NGEF: variants seen among roughly 807,000 people sequenced by gnomAD.
NGEF encodes the protein ephexin-1.
NGEF carries 31 observed loss-of-function variants against 80.9 expected under a neutral mutation model. That is an observed-to-expected ratio of 0.38 (90% CI 0.29 to 0.52). The LOEUF (loss-of-function observed/expected upper bound fraction) is 0.52. Ranked by LOEUF, NGEF falls within the 20% of genes least tolerant of loss-of-function variation. The pLI is 0.84. For synonymous variants in NGEF, 371 were observed against 370.2 expected (o/e 1.00, Z -0.03); for missense variants, 709 against 926.2 (o/e 0.77, Z 3.04).
At chr2:232,901,825 C>T (rs527529779) in intron 5 of NGEF, among the ~76,000 whole-genome samples, 4 of 152,184 alleles carry the variant, frequency 2.6e-5, no homozygotes, top group Non-Finnish European at 5.9e-5. Flanking sequence ...GGCGTCCTTC[C>T]GGGACTCCCT....
intron 1 of NGEF, among the ~76,000 whole-genome samples, chr2:232,980,178 G>A (rs888453811): frequency 3.3e-5 from 5 of 152,180 alleles, no homozygotes; most frequent in Non-Finnish European, 7.3e-5. Context: ...TGCAGCTTCA[G>A]GCCCAGGAGC....
chr2:232,945,466 G>A (rs1693537568), intron 3 of NGEF, among the ~76,000 whole-genome samples: 1 of 123,320 alleles, frequency 8.1e-6, no homozygotes, highest in Admixed American at 8.0e-5. Flanking sequence ...GGGAAATTTG[G>A]ATACACAGAC....
At chr2:232,934,774 A>G (rs769025978) in intron 3 of NGEF, among the ~76,000 whole-genome samples, 2 of 152,156 alleles carry the variant, frequency 1.3e-5, no homozygotes, top group African/African-American at 2.4e-5. Context: ...AGGCCAAGGT[A>G]GGTGGTTTGC....
intron 14 of NGEF, among the ~76,000 whole-genome samples, chr2:232,880,880 G>A (rs906148149): frequency 1.3e-5 from 2 of 152,206 alleles, no homozygotes; most frequent in Non-Finnish European, 2.9e-5. Context: ...CACCCGCTTG[G>A]GCTGGGCCCA....
At chr2:232,890,702 G>C (rs892354864) in intron 8 of NGEF, among the ~76,000 whole-genome samples, 2 of 151,968 alleles carry the variant, frequency 1.3e-5, no homozygotes, top group South Asian at 4.1e-4. Context: ...CATCCCTGCC[G>C]GGCCCCCACT....
At position 232,883,308 on chromosome 2, in the gene NGEF, C is replaced by T. The variant is rs749944423; in HGVS notation, c.1757+3G>A. The T allele has an allele frequency of 2.3e-5, 37 of 1,592,036 alleles. No homozygotes were observed. Among genetic ancestry groups the T allele is most frequent in the Non-Finnish European group, 3.0e-5 (35 of 1,166,244 alleles). ...ACTGGGCGTGTGGCGGCGAGGCACT[C>T]ACTGAGAGGACGCCTTTAGCATGTA... On this transcript the variant is annotated splice_donor_region_variant and intron_variant, in intron 12 of 14. Transcript: ENST00000264051.
chr2:232,958,985 A>G (rs1400350), intron 3 of NGEF, among the ~76,000 whole-genome samples: 90,528 of 151,862 alleles, frequency 0.6, 27,661 homozygotes, highest in African/African-American at 0.72. Flanking sequence ...GGTTAAATAT[A>G]GGTTAAAAAT....
chr2:232,973,307 T>G (rs541535594), intron 2 of NGEF, among the ~76,000 whole-genome samples: 3 of 152,334 alleles, frequency 2.0e-5, no homozygotes, highest in Admixed American at 2.0e-4. Context: ...AAAGTTGAGC[T>G]TCCACGACGA....
intron 3 of NGEF, among the ~76,000 whole-genome samples, chr2:232,943,324 C>T (rs1693477350): frequency 6.6e-6 from 1 of 151,980 alleles, no homozygotes; most frequent in East Asian, 1.9e-4. Context: ...AAAAGAGAGC[C>T]GTCTCCACAG....
intron 1 of NGEF, among the ~76,000 whole-genome samples, chr2:232,982,335 G>T (rs904360768): frequency 6.6e-6 from 1 of 152,152 alleles, no homozygotes; most frequent in Non-Finnish European, 1.5e-5. Flanking sequence ...CCTGTGACAA[G>T]AAGGGCTTGA....
rs1392954491 is a variant in NGEF, at chr2:232,897,007, G to A, written c.829-2091C>T. Reference sequence around the variant, plus strand: ...AGGGTGAGGTAGGGGTGCGGGTGAGGGTAGGGGCGAGTGTGGGGGTAGGAG... The same window carrying A: ...AGGGTGAGGTAGGGGTGCGGGTGAGAGTAGGGGCGAGTGTGGGGGTAGGAG... On this transcript the variant is annotated intron_variant, in intron 5 of 14. Transcript: ENST00000264051. Among the ~76,000 whole-genome samples, 159 of 131,062 alleles carry A rather than the reference G, an allele frequency of 1.2e-3. 1 individual carries two copies. Among genetic ancestry groups the A allele is most frequent in the African/African-American group, 4.5e-3 (149 of 32,890 alleles). 86.0% of individuals were successfully genotyped at this position (131,062 alleles called of 152,430 possible).
At chr2:232,934,283 T>C (rs560766987) in intron 3 of NGEF, among the ~76,000 whole-genome samples, 84 of 151,064 alleles carry the variant, frequency 5.6e-4, no homozygotes, top group South Asian at 4.8e-3. Context: ...AAAAACACTC[T>C]ATGGGCAAAC....
chr2:232,916,278 C>G (rs1393400411), intron 5 of NGEF, among the ~76,000 whole-genome samples: 1 of 152,148 alleles, frequency 6.6e-6, no homozygotes, highest in Non-Finnish European at 1.5e-5. Flanking sequence ...TCAATCTGCA[C>G]AAGCCTGAGA....
chr2:232,954,894 GGCC>G lies in NGEF; in HGVS notation c.383+15317_383+15319del, dbSNP rs371471075. 1.7e-3 allele frequency among the ~76,000 whole-genome samples: 256 copies of G among 152,116 alleles called. 2 individuals carry two copies. In the Middle Eastern group the frequency reaches 0.017, roughly 10 times the overall value. On this transcript the variant is annotated intron_variant, in intron 3 of 14. Coordinates refer to ENST00000264051, the MANE Select transcript of NGEF (RefSeq NM_019850.3). ...GGGTGGGGGAACAGCAGGTGCAAAG[GGCC>G]TGTGGTGAGGACACTTTCCAACCAT...
At chr2:232,908,964 G>A (rs1374704910) in intron 5 of NGEF, among the ~76,000 whole-genome samples, 5 of 152,046 alleles carry the variant, frequency 3.3e-5, no homozygotes, top group African/African-American at 9.7e-5. Context: ...GCCTTATCAC[G>A]TCCAGTGTTT....
chr2:232,911,012 G>A (rs1029487458), intron 5 of NGEF, among the ~76,000 whole-genome samples: 6 of 152,160 alleles, frequency 3.9e-5, no homozygotes, highest in African/African-American at 1.4e-4. Flanking sequence ...AAGACCAACT[G>A]ATCCATTTTT....
Position 232,927,239 on chromosome 2 carries a change from C to T in NGEF, c.384-53G>A, listed in dbSNP as rs954233696. The T allele has an allele frequency of 2.7e-6, 4 of 1,504,736 alleles. No individual in the cohort carries two copies. In the South Asian group the frequency reaches 5.3e-5, roughly 20 times the overall value. 93.2% of individuals were successfully genotyped at this position (1,504,736 alleles called of 1,614,324 possible). A position where few individuals can be genotyped will look rare whatever the true frequency, so the allele number is the denominator to read the frequency against. On this transcript the variant is annotated intron_variant, in intron 3 of 14. Transcript: ENST00000264051. ...TGGTTATTTTTAAGCAAGGATTCAC[C>T]TCGGCTGGCTAGCGAGGGGCGTGCG...
intron 3 of NGEF, among the ~76,000 whole-genome samples, chr2:232,930,819 C>T (rs1272025293): frequency 1.3e-5 from 2 of 152,200 alleles, no homozygotes; most frequent in African/African-American, 2.4e-5. Flanking sequence ...CCTGGTCCCC[C>T]AAAAGTCGTG....
At chr2:232,894,007 C>T (rs1392841001) in intron 6 of NGEF, among the ~76,000 whole-genome samples, 1 of 152,180 alleles carries the variant, frequency 6.6e-6, no homozygotes, top group African/African-American at 2.4e-5. Context: ...CCCCACTGCT[C>T]AGAGCGGGGC....
Sources: gnomAD v4.1 joint callset for allele counts (sites outside exome capture counted in the v4.1 genomes callset) on GRCh38, gnomAD v4.1.1 for gene constraint, MANE v1.5 for transcripts, NCBI Gene and HGNC (gene_info 2026-07-23, HGNC 2026-07-21) for gene names.